CCDC73: variants seen among roughly 807,000 people sequenced by gnomAD.
The protein encoded by CCDC73 is coiled-coil domain containing 73, also known as coiled-coil domain-containing protein 73.
CCDC73 carries 95 observed loss-of-function variants against 116.5 expected under a neutral mutation model. The observed-to-expected ratio is 0.82, with a 90% CI of 0.69 to 0.97. The LOEUF (loss-of-function observed/expected upper bound fraction) is 0.97. Among genes scored for constraint, CCDC73 ranks in the 50% least tolerant of loss-of-function variants. The pLI is 0.00. For missense variants in CCDC73, 1,066 were observed against 1,206.8 expected, an observed-to-expected ratio of 0.88 and a Z score of 1.73; for synonymous variants, 398 against 401.3, an observed-to-expected ratio of 0.99 and a Z score of 0.10.
At chr11:32,720,577 C>T (rs1393741139) in intron 2 of CCDC73, among the ~76,000 whole-genome samples, 1 of 151,994 alleles carries the variant, frequency 6.6e-6, no homozygotes, top group East Asian at 1.9e-4. Context: ...AATAAAACTA[C>T]CTCTATTTGC....
At chr11:32,697,541 T>G (rs915154069) in intron 6 of CCDC73, among the ~76,000 whole-genome samples, 4 of 144,810 alleles carry the variant, frequency 2.8e-5, no homozygotes, top group African/African-American at 1.0e-4. Flanking sequence ...TGGAGTACAG[T>G]GACGTAATCT....
At chr11:32,643,224 A>G (rs1227287761) in intron 12 of CCDC73, among the ~76,000 whole-genome samples, 1 of 152,082 alleles carries the variant, frequency 6.6e-6, no homozygotes, top group African/African-American at 2.4e-5. Context: ...GAATTTTACA[A>G]TTTTAACATG....
chr11:32,770,066 G>A (rs558688912), intron 1 of CCDC73, among the ~76,000 whole-genome samples: 9 of 152,240 alleles, frequency 5.9e-5, no homozygotes, highest in Admixed American at 1.3e-4. Context: ...TCATTTTGTG[G>A]ACTGGCTGGG....
chr11:32,606,246 AC>A (rs1437187701), intron 17 of CCDC73: 2 of 152,250 alleles, frequency 1.3e-5, no homozygotes, highest in Non-Finnish European at 2.9e-5. Context: ...GAAAAATAAA[AC>A]TATTTTTTTG....
At chr11:32,667,552 G>A (rs1855997518) in intron 9 of CCDC73, among the ~76,000 whole-genome samples, 1 of 151,338 alleles carries the variant, frequency 6.6e-6, no homozygotes, top group South Asian at 2.1e-4. Flanking sequence ...TTTTCCAGGT[G>A]CCGTCTGTCA....
intron 2 of CCDC73, among the ~76,000 whole-genome samples, chr11:32,737,663 A>T (rs1590622448): frequency 6.6e-6 from 1 of 151,888 alleles, no homozygotes; most frequent in South Asian, 2.1e-4. Context: ...GGCATCCATC[A>T]CCTCAAGCAT....
the CCDC73 span, among the ~76,000 whole-genome samples, chr11:32,801,355 C>A: frequency 2.0e-5 from 3 of 152,096 alleles, no homozygotes. Context: ...TACAGAAATC[C>A]TAACTGGCTG....
Position 32,695,982 on chromosome 11 carries a change from G to A in CCDC73, c.390+3269C>T, listed in dbSNP as rs117862977. 3.1e-3 allele frequency among the ~76,000 whole-genome samples: 464 copies of A among 151,788 alleles called. 6 individuals carry two copies. Among genetic ancestry groups the A allele is most frequent in the Non-Finnish European group, 5.2e-3 (355 of 67,920 alleles). On this transcript the variant is annotated intron_variant, in intron 6 of 17. Coordinates refer to ENST00000335185, the MANE Select transcript of CCDC73 (RefSeq NM_001008391.4). ...ATTTTATTTTTAATTTTTCCAAATC[G>A]TAAGAAAAAATGTTTAGCTACTAGT...
rs138103642 is a variant in CCDC73 at position 32,654,705 on chromosome 11, T to C, written c.774+139A>G. The C allele has an allele frequency of 1.4e-3, 940 of 669,260 alleles. 6 individuals carry two copies. In the African/African-American group the frequency reaches 0.015, roughly 11 times the overall value. The allele number at this position is 669,260 out of a possible 1,614,324, so 41.5% of individuals were successfully genotyped here. A position where few individuals can be genotyped will look rare whatever the true frequency, so the allele number is the denominator to read the frequency against. On this transcript the variant is annotated intron_variant, in intron 10 of 17. Coordinates refer to ENST00000335185, the MANE Select transcript of CCDC73 (RefSeq NM_001008391.4). ...TCCTAAAGTCTATGGCAAAAATTAA[T>C]AAAAAAACAGATTAATAATACCTTT...
chr11:32,806,615 G>A, the CCDC73 span, among the ~76,000 whole-genome samples: 1 of 142,238 alleles, frequency 7.0e-6, no homozygotes, highest in Admixed American at 7.4e-5. Context: ...CTGGGTGACA[G>A]AGCAAGACCT....
intron 7 of CCDC73, 125 bp from the exon 8 acceptor site, chr11:32,676,146 T>C (rs17250563): frequency 0.032 from 20,934 of 650,810 alleles, 437 homozygotes; most frequent in Non-Finnish European, 0.04. Flanking sequence ...TAAATGTCAT[T>C]TAAAAGTACT....
intron 2 of CCDC73, among the ~76,000 whole-genome samples, chr11:32,721,132 C>G (rs957405262): frequency 6.6e-6 from 1 of 152,198 alleles, no homozygotes; most frequent in Non-Finnish European, 1.5e-5. Context: ...TCAAGCAATT[C>G]TCCTGCCTCA....
At chr11:32,736,347 A>G (rs1850128917) in intron 2 of CCDC73, among the ~76,000 whole-genome samples, 1 of 152,176 alleles carries the variant, frequency 6.6e-6, no homozygotes, top group Non-Finnish European at 1.5e-5. Flanking sequence ...AAAAGTGGGC[A>G]AAGGATATGA....
At chr11:32,622,728 TG>T (rs201335183) in intron 14 of CCDC73, among the ~76,000 whole-genome samples, 1 of 49,396 alleles carries the variant, frequency 2.0e-5, no homozygotes, top group South Asian at 6.3e-4. Flanking sequence ...TTGGGCGGGG[TG>T]GGGGGGAATG....
chr11:32,798,921 G>GC (rs1447900708), upstream of CCDC73, among the ~76,000 whole-genome samples: 7 of 150,050 alleles, frequency 4.7e-5, no homozygotes, highest in East Asian at 1.4e-3. Context: ...GTTTTGGGGG[G>GC]GGGCGTTGAG....
At chr11:32,707,376 G>C (rs1208990494) in intron 3 of CCDC73, among the ~76,000 whole-genome samples, 1 of 150,674 alleles carries the variant, frequency 6.6e-6, no homozygotes, top group Non-Finnish European at 1.5e-5. Context: ...AGTGCTACTC[G>C]AAGTTACTTT....
At chr11:32,684,422 A>G (rs1054390386) in intron 6 of CCDC73, among the ~76,000 whole-genome samples, 2 of 152,338 alleles carry the variant, frequency 1.3e-5, no homozygotes, top group Middle Eastern at 3.4e-3. Flanking sequence ...ATAAACGTCT[A>G]TTTTATAATC....
intron 9 of CCDC73, among the ~76,000 whole-genome samples, chr11:32,672,020 A>C (rs1038554): frequency 0.58 from 88,399 of 152,060 alleles, 26,029 homozygotes; most frequent in East Asian, 0.84. Flanking sequence ...AGCCTCATCT[A>C]CATCCATAGG....
chr11:32,740,724 G>C (rs1173111968), intron 2 of CCDC73, among the ~76,000 whole-genome samples: 2 of 151,484 alleles, frequency 1.3e-5, no homozygotes, highest in Non-Finnish European at 2.9e-5. Flanking sequence ...ATTTGGGTTT[G>C]GTTTGCTCTT....
Sources: gnomAD v4.1 joint callset for allele counts (sites outside exome capture counted in the v4.1 genomes callset) on GRCh38, gnomAD v4.1.1 for gene constraint, MANE v1.5 for transcripts, NCBI Gene and HGNC (gene_info 2026-07-23, HGNC 2026-07-21) for gene names.